Variants in SERAC1 observed in about 807,000 individuals in gnomAD.
The protein encoded by SERAC1 is serine active site containing 1.
SERAC1 carries 36 observed loss-of-function variants against 85.7 expected under a neutral mutation model. The ratio of observed to expected loss-of-function variants is 0.42; its 90% CI spans 0.32 to 0.55. SERAC1 has a LOEUF of 0.55. SERAC1 is among the 20% of genes least tolerant of loss of function. The pLI, the probability that SERAC1 is intolerant of heterozygous loss-of-function variation, is 0.11. For synonymous variants in SERAC1, 242 were observed against 265.3 expected (o/e 0.91, Z 0.85); for missense variants, 629 against 796.2 (o/e 0.79, Z 2.53).
At chr6:158,118,929 GA>G in intron 12 of SERAC1, 99 bp downstream of exon 12, 5 of 1,436,108 alleles carry the variant, frequency 3.5e-6, no homozygotes, top group Non-Finnish European at 4.7e-6. Flanking sequence ...AACTGCATGG[GA>G]AAAAAATCCC....
In SERAC1 at chr6:158,122,172, T is replaced by C. The variant is rs578247730; in HGVS notation, c.1016-1597A>G. Among the ~76,000 whole-genome samples, 4 of 152,338 alleles carry C rather than the reference T, an allele frequency of 2.6e-5. No homozygotes were observed. The South Asian group carries it at 8.3e-4, about 32-fold the overall frequency. On this transcript the variant is annotated intron_variant, in intron 10 of 16. Transcript: ENST00000647468. ...GTATAGGTTTGGAGCCTAGGAGCAATAGGCTGTCCCATACAGCCTAGGTGT... is the reference window on the plus strand; with the variant it reads ...GTATAGGTTTGGAGCCTAGGAGCAACAGGCTGTCCCATACAGCCTAGGTGT...
intron 8 of SERAC1, among the ~76,000 whole-genome samples, chr6:158,142,844 A>C (rs1179850280): frequency 6.6e-6 from 1 of 152,178 alleles, no homozygotes; most frequent in Non-Finnish European, 1.5e-5. Context: ...AGCATAGTGA[A>C]GGGCTCCTGA....
At chr6:158,124,451 A>G (rs752843292) in intron 10 of SERAC1, among the ~76,000 whole-genome samples, 67 of 152,180 alleles carry the variant, frequency 4.4e-4, no homozygotes, top group Admixed American at 2.7e-3. Context: ...CAACCCATCA[A>G]TACAAGGTAT....
At position 158,111,491 on chromosome 6, in the gene SERAC1, C is replaced by CAATGCCTAAATCTGAAG; in HGVS notation, c.1829-6_1839dup (p.Gly614LeufsTer4). 6.3e-7 allele frequency: 1 copy of CAATGCCTAAATCTGAAG among 1,592,662 alleles called. No individual in the cohort carries two copies. Among genetic ancestry groups the CAATGCCTAAATCTGAAG allele is most frequent in the Non-Finnish European group, 8.5e-7 (1 of 1,173,138 alleles). On this transcript the variant is annotated stop_gained and frameshift_variant, in exon 17 of 17. Transcript: ENST00000647468. LOFTEE classifies it high-confidence loss of function. ...TTAACATCCACAGGAATTAGATCTC[C>CAATGCCTAAATCTGAAG]AATGCCTAAATCTGAAGAAAATAAA...
chr6:158,127,336 C>A (rs1486746093), intron 10 of SERAC1, among the ~76,000 whole-genome samples: 2 of 5,622 alleles, frequency 3.6e-4, no homozygotes, highest in Admixed American at 2.7e-3. Flanking sequence ...TGAGGAGCCC[C>A]TCTGCCCGGC....
At chr6:158,114,570 TAA>T in intron 15 of SERAC1, 1 of 1,221,776 alleles carries the variant, frequency 8.2e-7, no homozygotes, top group Non-Finnish European at 1.0e-6. Context: ...AAGATAATAT[TAA>T]AATTATTACA....
Position 158,130,492 on chromosome 6 carries a change from A to G in SERAC1, c.739-6T>C, listed in dbSNP as rs1562442451. 2 of 1,492,098 alleles carry G rather than the reference A, an allele frequency of 1.3e-6. No individual in the cohort carries two copies. The highest frequency in any genetic ancestry group is 4.7e-5 in the East Asian group (2 of 42,676). The allele number at this position is 1,492,098 out of a possible 1,614,324, so 92.4% of individuals were successfully genotyped here. A position where few individuals can be genotyped will look rare whatever the true frequency, so the allele number is the denominator to read the frequency against. On this transcript the variant is annotated splice_polypyrimidine_tract_variant and splice_region_variant and intron_variant, in intron 8 of 16. Transcript: ENST00000647468. ...CCAAAACACCATAAACCACCCTGAA[A>G]TTAAAATAATTAAAATTTTTACTGA...
intron 8 of SERAC1, among the ~76,000 whole-genome samples, chr6:158,135,018 G>A (rs1784759363): frequency 6.6e-6 from 1 of 152,066 alleles, no homozygotes; most frequent in South Asian, 2.1e-4. Context: ...TCGTATTCCT[G>A]TAATAAATGC....
At chr6:158,162,727 C>T (rs904700317) in intron 1 of SERAC1, among the ~76,000 whole-genome samples, 1 of 152,160 alleles carries the variant, frequency 6.6e-6, no homozygotes, top group Non-Finnish European at 1.5e-5. Flanking sequence ...GACTATCATT[C>T]GATCCATCCA....
chr6:158,133,374 GTTAA>G (rs1369127765), intron 8 of SERAC1, among the ~76,000 whole-genome samples: 1 of 138,488 alleles, frequency 7.2e-6, no homozygotes, highest in Non-Finnish European at 1.5e-5. Flanking sequence ...AATCTCTGGT[GTTAA>G]TTTTTTTTTT....
rs752918334 is a variant in SERAC1, at chr6:158,148,935, T to C, written c.285A>G (p.Arg95=). 10 of 1,611,540 alleles carry C rather than the reference T, an allele frequency of 6.2e-6. No individual in the cohort carries two copies. Among genetic ancestry groups the C allele is most frequent in the Non-Finnish European group, 6.8e-6 (8 of 1,178,970 alleles). The part of the protein sequence containing the change: ...GENHGIAWQA[R]KELHKAVRKV... Reference sequence around the variant, plus strand: ...TTCTTACTGCTTTGTGAAGTTCTTTTCTTGCCTGCCAGGCAATACCTAAAA... The same window carrying C: ...TTCTTACTGCTTTGTGAAGTTCTTTCCTTGCCTGCCAGGCAATACCTAAAA... Residue 95 remains arginine (R), a synonymous_variant, in exon 5 of 17, where the codon AGA becomes AGG. Transcript: ENST00000647468.
chr6:158,126,138 A>G (rs4709083), intron 10 of SERAC1, among the ~76,000 whole-genome samples: 47,374 of 152,064 alleles, frequency 0.31, 8,723 homozygotes, highest in Admixed American at 0.52. Flanking sequence ...CTATATATAT[A>G]TGTGTGTATG....
At chr6:158,118,597 G>A (rs1784347319) in intron 12 of SERAC1, among the ~76,000 whole-genome samples, 1 of 114,854 alleles carries the variant, frequency 8.7e-6, no homozygotes, top group Admixed American at 9.9e-5. Context: ...CAGTCTGGGT[G>A]ACAAAATGAG....
intron 10 of SERAC1, among the ~76,000 whole-genome samples, chr6:158,125,943 A>G (rs1784530034): frequency 6.6e-6 from 1 of 152,200 alleles, no homozygotes; most frequent in South Asian, 2.1e-4. Context: ...CAAACACTCA[A>G]GTAATACAAG....
In SERAC1 at chr6:158,148,884, T is replaced by G. The variant is rs1481831224; in HGVS notation, c.336A>C (p.Ile112=). The part of the protein sequence containing the change: ...VRKVLATSAK[I]LRNPFADPFS... ...ATTTACCAGCAAATGGATTCCGCAG[T>G]ATCTTGGCTGATGTTGCCAATACTT... The change falls in exon 5 of 17, where the codon ATA becomes ATC. Residue 112 remains isoleucine (I), a synonymous_variant. Transcript: ENST00000647468. 6.2e-7 allele frequency: 1 copy of G among 1,611,610 alleles called. No individual in the cohort carries two copies. Among genetic ancestry groups the G allele is most frequent in the Non-Finnish European group, 8.5e-7 (1 of 1,178,918 alleles).
In SERAC1 at chr6:158,111,389, A is replaced by T. The variant is rs1784140812; in HGVS notation, c.1942T>A (p.Leu648Ile). The T allele has an allele frequency of 6.3e-7, 1 of 1,599,406 alleles. No homozygotes were observed. The highest frequency in any genetic ancestry group is 2.2e-5 in the East Asian group (1 of 44,752). Reference sequence around the variant, plus strand: ...TGTTAGTTTTCAAGGTCTTTGGCTAAAGCTTCACGAATGAATTGTAAAGTA... The same window carrying T: ...TGTTAGTTTTCAAGGTCTTTGGCTATAGCTTCACGAATGAATTGTAAAGTA... The part of the protein sequence containing the change: ...QRTLQFIREA[L>I]AKDLEN The change falls in exon 17 of 17, where the codon TTA (leucine) becomes ATA (isoleucine). Residue 648 changes from leucine (L) to isoleucine (I), a missense_variant. Transcript: ENST00000647468.
At chr6:158,166,348 C>T (rs917541466) in intron 1 of SERAC1, among the ~76,000 whole-genome samples, 1 of 152,178 alleles carries the variant, frequency 6.6e-6, no homozygotes, top group Non-Finnish European at 1.5e-5. Context: ...CTATTCTGTT[C>T]CATGAATCTA....
intron 8 of SERAC1, among the ~76,000 whole-genome samples, chr6:158,133,430 G>C (rs1197621905): frequency 1.4e-5 from 2 of 140,636 alleles, no homozygotes; most frequent in African/African-American, 5.3e-5. Context: ...CTGTCGCCCA[G>C]GCTGGAGTGC....
chr6:158,165,920 A>G (rs76263686), intron 1 of SERAC1, among the ~76,000 whole-genome samples: 9,556 of 152,232 alleles, frequency 0.063, 351 homozygotes, highest in African/African-American at 0.074. Flanking sequence ...AACTTAAGAA[A>G]TCCTTCTCAG....
Sources: allele counts gnomAD v4.1 joint callset (sites outside exome capture counted in the v4.1 genomes callset), GRCh38; gene constraint gnomAD v4.1.1; transcripts MANE v1.5; gene names NCBI Gene and HGNC (gene_info 2026-07-23, HGNC 2026-07-21).